The following LYZL1 variants were observed in gnomAD, a reference collection of about 807,000 sequenced individuals.
The protein encoded by LYZL1 is lysozyme like 1, also known as lysozyme-like protein 1.
In LYZL1, 16 loss-of-function variants were observed where a neutral mutation model predicts 17.9. The observed-to-expected ratio is 0.90, with a 90% CI of 0.61 to 1.36. The LOEUF is 1.36. Among genes scored for constraint, LYZL1 ranks in the 40% most tolerant of loss-of-function variants. The probability of loss-of-function intolerance (pLI) is 0.00; values close to 1 mark genes in which losing one functional copy is unlikely to be tolerated. For synonymous variants in LYZL1, 58 were observed against 71.8 expected (o/e 0.81, Z 0.97); for missense variants, 149 against 188.4 (o/e 0.79, Z 1.22).
In LYZL1 at chr10:29,310,097, C is replaced by G; in HGVS notation, c.299-13C>G. The G allele has an allele frequency of 6.2e-7, 1 of 1,600,686 alleles. No homozygotes were observed. The highest frequency in any genetic ancestry group is 1.1e-5 in the South Asian group (1 of 90,232). On this transcript the variant is annotated splice_polypyrimidine_tract_variant and intron_variant, in intron 3 of 4. Transcript: ENST00000649382. ...AAGTCTCGCCTAACCCTGATGTCTT[C>G]TCTCTTTTACAGCCTTGATCACTGA...
intron 3 of LYZL1, among the ~76,000 whole-genome samples, chr10:29,300,023 T>C (rs537605817): frequency 6.6e-6 from 1 of 152,200 alleles, no homozygotes; most frequent in East Asian, 1.9e-4. Flanking sequence ...AACGCAGCCA[T>C]AGAAAGTATG....
intron 3 of LYZL1, among the ~76,000 whole-genome samples, chr10:29,305,660 T>C (rs1274899569): frequency 6.6e-6 from 1 of 152,248 alleles, no homozygotes. Context: ...TAGTTTTCAC[T>C]GTAGAATTGT....
At chr10:29,314,064 C>T (rs149581015), downstream of LYZL1, among the ~76,000 whole-genome samples, 52 of 152,260 alleles carry the variant, frequency 3.4e-4, no homozygotes, top group East Asian at 0.01. Flanking sequence ...GCCTTTTATA[C>T]CCAGTATATC....
intron 2 of LYZL1, 38 bp from the exon 3 acceptor site, chr10:29,292,481 A>G (rs1437545148): frequency 2.5e-6 from 4 of 1,606,050 alleles, no homozygotes; most frequent in Non-Finnish European, 3.4e-6. Context: ...CAAAAGATGC[A>G]CTTCCTTTGC....
chr10:29,316,737 A>G (rs1201912404), intron 3 of LYZL1, among the ~76,000 whole-genome samples: 1 of 133,782 alleles, frequency 7.5e-6, no homozygotes, highest in African/African-American at 2.9e-5. Context: ...TTTAGAGGCA[A>G]TGTCTTACTC....
In LYZL1 at chr10:29,310,123, T is replaced by C. The variant is rs780708114; in HGVS notation, c.312T>C (p.Asp104=). 7 of 1,611,562 alleles carry C rather than the reference T, an allele frequency of 4.3e-6. No individual in the cohort carries two copies. The South Asian group carries it at 7.7e-5, about 18-fold the overall frequency. Residue 104 remains aspartate (D), a synonymous_variant, in exon 4 of 5, where the codon GAT becomes GAC. Transcript: ENST00000649382. ...TCTCTTTTACAGCCTTGATCACTGA[T>C]GACCTCACAGATGCAATTATCTGTG... ...CHVACSALIT[D]DLTDAIICAR... is the part of the protein sequence containing the mutation.
chr10:29,306,166 G>A (rs55809790), intron 3 of LYZL1, among the ~76,000 whole-genome samples: 7,328 of 151,576 alleles, frequency 0.048, 197 homozygotes, highest in Middle Eastern at 0.11. Flanking sequence ...AGAAGTTTCC[G>A]TGATGATGAA....
chr10:29,306,696 A>G (rs1835599453), intron 3 of LYZL1, among the ~76,000 whole-genome samples: 1 of 152,024 alleles, frequency 6.6e-6, no homozygotes, highest in Non-Finnish European at 1.5e-5. Context: ...ATATATATTT[A>G]AAGTAAATAA....
downstream of LYZL1, among the ~76,000 whole-genome samples, chr10:29,313,066 G>A (rs1205844343): frequency 6.6e-6 from 1 of 152,096 alleles, no homozygotes; most frequent in East Asian, 1.9e-4. Context: ...CCACCGGCTT[G>A]CCTTGCATGC....
intron 3 of LYZL1, among the ~76,000 whole-genome samples, chr10:29,296,173 C>T (rs536628656): frequency 4.6e-4 from 70 of 152,036 alleles, no homozygotes; most frequent in South Asian, 4.2e-4. Context: ...CAAAGGGATT[C>T]GAGAATCAAT....
Position 29,292,530 on chromosome 10 carries a change from G to T in LYZL1, c.151G>T (p.Ala51Ser). The change falls in exon 3 of 5, where the codon GCA becomes TCA. Residue 51 changes from alanine to serine, a missense_variant. This residue lies in a region of LYZL1 where 130 missense variants were observed against 132.5 expected (regional missense o/e 0.98). Coordinates refer to ENST00000649382, the MANE Select transcript of LYZL1 (RefSeq NM_032517.6). ...GFSLGNWICM[A>S]YYESGYNTTA... is the part of the protein sequence containing the mutation. ...TTTCCCCCCTCCAGGGATCTGCATG[G>T]CATATTATGAGAGCGGCTACAACAC... is the stretch of plus-strand genomic sequence containing the variant. 1.2e-6 allele frequency: 2 copies of T among 1,614,106 alleles called. No homozygotes were observed. The highest frequency in any genetic ancestry group is 1.7e-6 in the Non-Finnish European group (2 of 1,180,000).
At chr10:29,312,002 A>G (rs577471132), downstream of LYZL1, among the ~76,000 whole-genome samples, 2 of 150,086 alleles carry the variant, frequency 1.3e-5, no homozygotes, top group Admixed American at 6.6e-5. Context: ...TTTCCGGAGT[A>G]AAAAATAAGA....
chr10:29,293,545 T>C (rs1192533182), intron 3 of LYZL1, among the ~76,000 whole-genome samples: 1 of 152,170 alleles, frequency 6.6e-6, no homozygotes, highest in African/African-American at 2.4e-5. Context: ...ACAAAATACA[T>C]CAGGCATGAA....
chr10:29,309,841 T>A (rs550341874), intron 3 of LYZL1, among the ~76,000 whole-genome samples: 1 of 152,324 alleles, frequency 6.6e-6, no homozygotes, highest in African/African-American at 2.4e-5. Flanking sequence ...GCATGGCATT[T>A]TCTCTAAACA....
At chr10:29,316,614 A>G (rs1370750268) in intron 3 of LYZL1, among the ~76,000 whole-genome samples, 1 of 151,944 alleles carries the variant, frequency 6.6e-6, no homozygotes, top group African/African-American at 2.4e-5. Flanking sequence ...GATAGAAAAT[A>G]ATTTCCAAAA....
intron 3 of LYZL1, among the ~76,000 whole-genome samples, chr10:29,303,801 C>T (rs1346944186): frequency 6.6e-6 from 1 of 152,114 alleles, no homozygotes; most frequent in Non-Finnish European, 1.5e-5. Flanking sequence ...TCATTCTGTC[C>T]CACATATTAC....
chr10:29,293,388 G>A (rs550472484), intron 3 of LYZL1, among the ~76,000 whole-genome samples: 4 of 151,840 alleles, frequency 2.6e-5, no homozygotes, highest in South Asian at 2.1e-4. Flanking sequence ...CTCCTGCCTC[G>A]GCCTCTCAGA....
intron 3 of LYZL1, among the ~76,000 whole-genome samples, chr10:29,293,199 C>T (rs1282841867): frequency 8.1e-6 from 1 of 123,196 alleles, no homozygotes; most frequent in Non-Finnish European, 1.6e-5. Context: ...GTGATGTGAT[C>T]ATAGCTCATT....
At chr10:29,315,233 G>A (rs1016046351), downstream of LYZL1, among the ~76,000 whole-genome samples, 14 of 152,162 alleles carry the variant, frequency 9.2e-5, no homozygotes, top group Admixed American at 9.2e-4. Flanking sequence ...ATTTAGGCCG[G>A]GCGCAGTGGC....
Sources: gnomAD v4.1 joint callset for allele counts (sites outside exome capture counted in the v4.1 genomes callset) on GRCh38, gnomAD v4.1.1 for gene constraint, gnomAD v4.1.1 regional missense constraint, MANE v1.5 for transcripts, NCBI Gene and HGNC (gene_info 2026-07-23, HGNC 2026-07-21) for gene names.